The following PLCB1 variants were observed in gnomAD, a reference collection of about 807,000 sequenced individuals.
The protein encoded by PLCB1 is phospholipase C beta 1.
PLCB1 carries 46 observed loss-of-function variants against 161.8 expected under a neutral mutation model. The ratio of observed to expected loss-of-function variants is 0.28; its 90% CI spans 0.22 to 0.36. The LOEUF (loss-of-function observed/expected upper bound fraction) is 0.36, where lower values mean the gene tolerates loss of function less well. Ranked by LOEUF, PLCB1 falls within the 10% of genes least tolerant of loss-of-function variation. The pLI is 1.00. For synonymous variants in PLCB1, 517 were observed against 503.7 expected, an observed-to-expected ratio of 1.03 and a Z score of -0.35; for missense variants, 1,016 against 1,472.5, an observed-to-expected ratio of 0.69 and a Z score of 5.07.
chr20:8,821,565 G>A (rs1298429848), intron 31 of PLCB1, among the ~76,000 whole-genome samples: 83 of 119,512 alleles, frequency 6.9e-4, no homozygotes, highest in Non-Finnish European at 8.1e-4. Flanking sequence ...ATATTTAAAT[G>A]ACACTTTTAA....
chr20:8,718,903 G>A (rs1380999405), intron 14 of PLCB1, among the ~76,000 whole-genome samples: 2 of 152,098 alleles, frequency 1.3e-5, no homozygotes, highest in Admixed American at 1.3e-4. Context: ...ATTTTTTCAT[G>A]TTTTAAAGAA....
At chr20:8,217,953 TG>T (rs1979220417) in intron 2 of PLCB1, among the ~76,000 whole-genome samples, 1 of 152,114 alleles carries the variant, frequency 6.6e-6, no homozygotes, top group South Asian at 2.1e-4. Context: ...CACTTGATCT[TG>T]GACTTCCCAG....
intron 31 of PLCB1, among the ~76,000 whole-genome samples, chr20:8,854,675 A>G (rs2146305855): frequency 6.6e-6 from 1 of 152,358 alleles, no homozygotes; most frequent in South Asian, 2.1e-4. Flanking sequence ...CGGCATGACC[A>G]AATACAGTAA....
At chr20:8,760,674 G>A (rs558009018) in intron 25 of PLCB1, among the ~76,000 whole-genome samples, 1 of 152,150 alleles carries the variant, frequency 6.6e-6, no homozygotes, top group African/African-American at 2.4e-5. Context: ...AACCCTACTG[G>A]CATAAAAATA....
intron 2 of PLCB1, among the ~76,000 whole-genome samples, chr20:8,336,681 A>ATAGATT (rs1214612686): frequency 6.6e-6 from 1 of 152,190 alleles, no homozygotes; most frequent in Non-Finnish European, 1.5e-5. Flanking sequence ...GATGCTAGAA[A>ATAGATT]TAGATTCCTG....
intron 3 of PLCB1, among the ~76,000 whole-genome samples, chr20:8,549,289 G>T (rs1985687588): frequency 6.6e-6 from 1 of 152,180 alleles, no homozygotes; most frequent in African/African-American, 2.4e-5. Flanking sequence ...GGCCCAAGAT[G>T]CCTAGTGCTT....
At chr20:8,258,908 G>C (rs1981558373) in intron 2 of PLCB1, among the ~76,000 whole-genome samples, 1 of 152,026 alleles carries the variant, frequency 6.6e-6, no homozygotes, top group Non-Finnish European at 1.5e-5. Flanking sequence ...CCAAAGTCAA[G>C]ATATACGACA....
chr20:8,622,922 T>C (rs1988225230), intron 3 of PLCB1, among the ~76,000 whole-genome samples: 1 of 148,298 alleles, frequency 6.7e-6, no homozygotes, highest in Non-Finnish European at 1.5e-5. Flanking sequence ...CTTTTTGAAA[T>C]AGGTAATAGC....
intron 3 of PLCB1, among the ~76,000 whole-genome samples, chr20:8,486,731 A>G (rs1029498643): frequency 8.6e-5 from 13 of 151,050 alleles, no homozygotes; most frequent in Non-Finnish European, 1.5e-4. Flanking sequence ...TCCTGACCTC[A>G]TGATCCACCC....
intron 3 of PLCB1, among the ~76,000 whole-genome samples, chr20:8,380,903 A>T (rs1191503640): frequency 6.6e-6 from 1 of 152,114 alleles, no homozygotes; most frequent in Non-Finnish European, 1.5e-5. Flanking sequence ...AGACAAGTTG[A>T]CTTCTCTCTT....
intron 2 of PLCB1, among the ~76,000 whole-genome samples, chr20:8,199,906 C>T (rs897014823): frequency 3.6e-4 from 54 of 151,978 alleles, no homozygotes; most frequent in African/African-American, 1.1e-3. Context: ...GATACTAAGT[C>T]GATTCTACAG....
intron 2 of PLCB1, among the ~76,000 whole-genome samples, chr20:8,257,570 T>A (rs1403272654): frequency 1.3e-5 from 2 of 152,184 alleles, no homozygotes; most frequent in African/African-American, 4.8e-5. Context: ...CTACATTATT[T>A]AATCTTTTTA....
intron 3 of PLCB1, among the ~76,000 whole-genome samples, chr20:8,402,884 AT>A (rs1173793581): frequency 2.0e-5 from 3 of 151,974 alleles, no homozygotes; most frequent in Non-Finnish European, 4.4e-5. Context: ...TTTTCATTTG[AT>A]TTTTTTCATT....
chr20:8,562,153 C>T (rs1192589817), intron 3 of PLCB1, among the ~76,000 whole-genome samples: 1 of 151,986 alleles, frequency 6.6e-6, no homozygotes, highest in Non-Finnish European at 1.5e-5. Context: ...AAGACCTGCT[C>T]CTCCATACAT....
chr20:8,186,736 G>A (rs931994601), intron 2 of PLCB1, among the ~76,000 whole-genome samples: 1 of 151,620 alleles, frequency 6.6e-6, no homozygotes, highest in African/African-American at 2.4e-5. Flanking sequence ...GTGAAAAAAG[G>A]GAGGCAGCTG....
At chr20:8,176,099 A>G (rs541735559) in intron 2 of PLCB1, among the ~76,000 whole-genome samples, 1 of 152,306 alleles carries the variant, frequency 6.6e-6, no homozygotes, top group South Asian at 2.1e-4. Context: ...ATAAAACTAA[A>G]CATGTAGTTA....
chr20:8,174,631 A>C (rs2051764431), intron 2 of PLCB1, among the ~76,000 whole-genome samples: 1 of 152,158 alleles, frequency 6.6e-6, no homozygotes, highest in Non-Finnish European at 1.5e-5. Context: ...AGCATCCGAT[A>C]CTCAAGGCAA....
intron 3 of PLCB1, among the ~76,000 whole-genome samples, chr20:8,456,099 T>C (rs984900437): frequency 1.3e-5 from 2 of 152,226 alleles, no homozygotes; most frequent in Non-Finnish European, 2.9e-5. Context: ...GGGAACATAT[T>C]ATGAATGATC....
At chr20:8,700,495 C>T (rs537203073) in intron 11 of PLCB1, among the ~76,000 whole-genome samples, 103 of 152,324 alleles carry the variant, frequency 6.8e-4, no homozygotes, top group Admixed American at 6.5e-3. Flanking sequence ...CCCAGAGTCA[C>T]GGGCTGATTG....
Sources: allele counts gnomAD v4.1 joint callset (sites outside exome capture counted in the v4.1 genomes callset), GRCh38; gene constraint gnomAD v4.1.1; transcripts MANE v1.5; gene names NCBI Gene and HGNC (gene_info 2026-07-23, HGNC 2026-07-21).